Variants in ARFGEF1 observed in about 807,000 individuals in gnomAD.
The protein encoded by ARFGEF1 is ARF guanine nucleotide exchange factor 1, also known as brefeldin A-inhibited guanine nucleotide-exchange protein 1.
Under a neutral mutation model 231.0 loss-of-function variants are expected in ARFGEF1, and 42 were observed. The observed-to-expected ratio is 0.18, with a 90% CI of 0.14 to 0.24. The LOEUF is 0.24. Among genes scored for constraint, ARFGEF1 ranks in the 10% least tolerant of loss-of-function variants. The pLI, the probability that ARFGEF1 is intolerant of heterozygous loss-of-function variation, is 1.00. For synonymous variants in ARFGEF1, 710 were observed against 732.3 expected, an observed-to-expected ratio of 0.97 and a Z score of 0.49; for missense variants, 1,345 against 2,192.0, an observed-to-expected ratio of 0.61 and a Z score of 7.72.
At chr8:67,182,622 G>A (rs922495128) in intron 5 of ARFGEF1, among the ~76,000 whole-genome samples, 5 of 152,158 alleles carry the variant, frequency 3.3e-5, no homozygotes, top group South Asian at 2.1e-4. Context: ...CAAAAGTTCC[G>A]ATTTCTCTAC....
chr8:67,301,476 T>A, intron 2 of ARFGEF1, 96 bp from the exon 3 acceptor site: 2 of 1,363,874 alleles, frequency 1.5e-6, no homozygotes, highest in Non-Finnish European at 2.0e-6. Context: ...CTAAAAGGAA[T>A]CTTGCTAAAC....
In ARFGEF1 at chr8:67,342,003, C is replaced by T. The variant is rs193212508; in HGVS notation, c.124+1161G>A. On this transcript the variant is annotated intron_variant, in intron 1 of 38. Coordinates refer to ENST00000262215, the MANE Select transcript of ARFGEF1 (RefSeq NM_006421.5). The stretch of plus-strand genomic sequence containing the variant: ...ATATTACAGCAAATTAAATGGTAGT[C>T]TTCCATTTAATAATTAAAAGCTAAT... Among the ~76,000 whole-genome samples the T allele has an allele frequency of 4.9e-3, 741 of 152,220 alleles. 3 individuals are homozygous for T. Among genetic ancestry groups the T allele is most frequent in the Middle Eastern group, 0.017 (5 of 294 alleles).
chr8:67,216,081 A>G (rs527586483), intron 33 of ARFGEF1, among the ~76,000 whole-genome samples: 2 of 152,324 alleles, frequency 1.3e-5, no homozygotes, highest in East Asian at 1.9e-4. Flanking sequence ...ACAAAGACAC[A>G]TATTAATTGT....
chr8:67,288,664 T>C (rs1340924399), intron 6 of ARFGEF1, among the ~76,000 whole-genome samples: 5 of 151,186 alleles, frequency 3.3e-5, no homozygotes, highest in African/African-American at 9.7e-5. Flanking sequence ...ACTCGGGAGG[T>C]AGAGGTTGCA....
intron 19 of ARFGEF1, among the ~76,000 whole-genome samples, chr8:67,242,023 G>A (rs945836823): frequency 6.6e-6 from 1 of 152,152 alleles, no homozygotes; most frequent in Non-Finnish European, 1.5e-5. Flanking sequence ...GCATTCAGAC[G>A]AGCCACAGCC....
chr8:67,313,369 T>C (rs768512650), intron 1 of ARFGEF1, among the ~76,000 whole-genome samples: 10 of 152,318 alleles, frequency 6.6e-5, no homozygotes, highest in Middle Eastern at 3.4e-3. Context: ...AGTTTTGTCA[T>C]ATTACCAGGG....
chr8:67,335,182 T>C (rs1179021671), intron 1 of ARFGEF1, among the ~76,000 whole-genome samples: 1 of 148,630 alleles, frequency 6.7e-6, no homozygotes, highest in East Asian at 2.0e-4. Flanking sequence ...CTCGGCTCAC[T>C]GCAAGCTCCG....
At chr8:67,257,952 G>A (rs909793616) in intron 16 of ARFGEF1, 133 bp downstream of exon 16, 27 of 1,178,622 alleles carry the variant, frequency 2.3e-5, no homozygotes, top group African/African-American at 2.0e-4. Flanking sequence ...TTTGTTTTAC[G>A]ACTTCCAGAT....
At chr8:67,231,718 A>C (rs926455083) in intron 23 of ARFGEF1, among the ~76,000 whole-genome samples, 1 of 152,082 alleles carries the variant, frequency 6.6e-6, no homozygotes, top group Non-Finnish European at 1.5e-5. Flanking sequence ...GGAGAGGTTA[A>C]GTATGCATGC....
chr8:67,281,322 AATG>A (rs1250869170), intron 7 of ARFGEF1, among the ~76,000 whole-genome samples: 1 of 152,264 alleles, frequency 6.6e-6, no homozygotes, highest in East Asian at 1.9e-4. Flanking sequence ...AACTTTCTAA[AATG>A]ATGAAAAGTC....
At chr8:67,207,486 GA>G (rs1478143281) in intron 34 of ARFGEF1, among the ~76,000 whole-genome samples, 3 of 152,178 alleles carry the variant, frequency 2.0e-5, no homozygotes, top group African/African-American at 4.8e-5. Flanking sequence ...GCAAGGACCA[GA>G]AGCACATTTG....
In ARFGEF1 at chr8:67,271,706, A is replaced by G; in HGVS notation, c.1568T>C (p.Ile523Thr). 1.9e-6 allele frequency: 3 copies of G among 1,603,088 alleles called. No homozygotes were observed. Among genetic ancestry groups the G allele is most frequent in the Non-Finnish European group, 2.6e-6 (3 of 1,172,466 alleles). Residue 523 changes from isoleucine to threonine, a missense_variant, in exon 10 of 39, where the codon ATT becomes ACT. Transcript: ENST00000262215. ...ATGCCTAAATGCAAAACGTACCTCA[A>G]TTTGCATCTTCAGATGTGTCTTGAA... ...SNFKTHLKMQ[I>T]EVFFKEIFLY...
chr8:67,201,678 G>A (rs1361391420), intron 36 of ARFGEF1, 73 bp from the exon 37 acceptor site: 2 of 1,584,304 alleles, frequency 1.3e-6, no homozygotes, highest in African/African-American at 2.7e-5. Context: ...CCCGTATGGA[G>A]GCACATTTTG....
intron 19 of ARFGEF1, among the ~76,000 whole-genome samples, chr8:67,247,984 A>G (rs1469428051): frequency 1.3e-5 from 2 of 150,388 alleles, no homozygotes; most frequent in African/African-American, 5.0e-5. Context: ...TGAAAACTAC[A>G]GAACAGTGAT....
chr8:67,197,064 T>C (rs950891641), downstream of ARFGEF1, among the ~76,000 whole-genome samples: 7 of 152,178 alleles, frequency 4.6e-5, no homozygotes, highest in Admixed American at 4.6e-4. Flanking sequence ...ACACACAATA[T>C]TGCAAACTGT....
rs528551084 is a variant in ARFGEF1 at position 67,212,857 on chromosome 8, C to T, written c.4687-1242G>A. Among the ~76,000 whole-genome samples the T allele has an allele frequency of 8.5e-5, 13 of 152,260 alleles. No homozygotes were observed. The South Asian group carries it at 1.2e-3, about 15-fold the overall frequency. ...ACTGGTTTTTAAATATTTTTGGTCA[C>T]GGGCCCTCTTGAACAGTCTGATGAT... is the stretch of plus-strand genomic sequence containing the variant. On this transcript the variant is annotated intron_variant, in intron 33 of 38. Transcript: ENST00000262215.
rs1319127532 is a variant in ARFGEF1 at position 67,312,186 on chromosome 8, T to A, written c.125-9720A>T. 2.0e-5 allele frequency among the ~76,000 whole-genome samples: 3 copies of A among 149,786 alleles called. No individual in the cohort carries two copies. In the Admixed American group the frequency reaches 2.0e-4, roughly 10 times the overall value. On this transcript the variant is annotated intron_variant, in intron 1 of 38. Coordinates refer to ENST00000262215, the MANE Select transcript of ARFGEF1 (RefSeq NM_006421.5). The stretch of plus-strand genomic sequence containing the variant: ...TGACCTTCCCTCCACTATTGTCCCA[T>A]GACCCTGCCAAATCCCCCTCTGTGA...
intron 5 of ARFGEF1, among the ~76,000 whole-genome samples, chr8:67,179,305 A>G (rs1832449545): frequency 6.6e-6 from 1 of 152,108 alleles, no homozygotes; most frequent in African/African-American, 2.4e-5. Flanking sequence ...CATTGTGGCA[A>G]TTGCTGTCAC....
chr8:67,220,299 T>G (rs1157184009), intron 29 of ARFGEF1, among the ~76,000 whole-genome samples: 2 of 152,370 alleles, frequency 1.3e-5, no homozygotes, highest in Non-Finnish European at 2.9e-5. Context: ...CTCTATTTGT[T>G]GCTTTTTCTG....
Sources: gnomAD v4.1 joint callset for allele counts (sites outside exome capture counted in the v4.1 genomes callset) on GRCh38, gnomAD v4.1.1 for gene constraint, MANE v1.5 for transcripts, NCBI Gene and HGNC (gene_info 2026-07-23, HGNC 2026-07-21) for gene names.